The following CYTH1 variants were observed in gnomAD, a reference collection of about 807,000 sequenced individuals.
CYTH1 encodes the protein cytohesin 1.
A neutral mutation model predicts 61.8 loss-of-function variants in CYTH1; 18 were observed. The ratio of observed to expected loss-of-function variants is 0.29; its 90% CI spans 0.20 to 0.43. The LOEUF is 0.43. CYTH1 is among the 20% of genes least tolerant of loss of function. CYTH1 has a pLI of 1.00. For synonymous variants in CYTH1, 174 were observed against 184.3 expected, an observed-to-expected ratio of 0.94 and a Z score of 0.45; for missense variants, 336 against 510.5, an observed-to-expected ratio of 0.66 and a Z score of 3.29.
At chr17:78,702,324 T>C in intron 4 of CYTH1, 84 bp from the exon 5 acceptor site, 1 of 1,186,130 alleles carries the variant, frequency 8.4e-7, no homozygotes, top group Admixed American at 1.9e-5. Flanking sequence ...AAGAAATGGG[T>C]GTGGGTGCAC....
At chr17:78,731,003 A>G (rs1302800174) in intron 1 of CYTH1, among the ~76,000 whole-genome samples, 1 of 152,164 alleles carries the variant, frequency 6.6e-6, no homozygotes, top group African/African-American at 2.4e-5. Context: ...TGTGCTAGGG[A>G]AAGTCCTCAC....
intron 10 of CYTH1, among the ~76,000 whole-genome samples, chr17:78,695,224 T>C (rs1482397226): frequency 6.6e-6 from 1 of 152,068 alleles, no homozygotes; most frequent in Non-Finnish European, 1.5e-5. Flanking sequence ...ACCAAAACCA[T>C]AACCAGGAGA....
chr17:78,740,723 T>C (rs990108456), intron 1 of CYTH1, among the ~76,000 whole-genome samples: 1 of 152,228 alleles, frequency 6.6e-6, no homozygotes, highest in African/African-American at 2.4e-5. Flanking sequence ...TCATCCATAT[T>C]GAGATATTTT....
At chr17:78,745,164 G>A (rs779151504) in intron 1 of CYTH1, among the ~76,000 whole-genome samples, 4 of 152,078 alleles carry the variant, frequency 2.6e-5, no homozygotes, top group Non-Finnish European at 4.4e-5. Flanking sequence ...CCTGTGCACC[G>A]TGGAGCCTGG....
At chr17:78,726,731 A>G (rs1338158623) in intron 1 of CYTH1, among the ~76,000 whole-genome samples, 1 of 152,002 alleles carries the variant, frequency 6.6e-6, no homozygotes, top group African/African-American at 2.4e-5. Context: ...GGTGGATTCT[A>G]TTCTGCTGTT....
intron 1 of CYTH1, among the ~76,000 whole-genome samples, chr17:78,770,404 GTTTT>G (rs1299164671): frequency 6.6e-6 from 1 of 150,550 alleles, no homozygotes; most frequent in Non-Finnish European, 1.5e-5. Flanking sequence ...AAATAGGCGG[GTTTT>G]TTTTGTTTTG....
chr17:78,708,302 G>A, intron 2 of CYTH1, 41 bp from the exon 3 acceptor site: 1 of 1,565,800 alleles, frequency 6.4e-7, no homozygotes, highest in Non-Finnish European at 8.7e-7. Context: ...AAAGGCAGAT[G>A]CAGATCAAAT....
rs759853440 is a variant in CYTH1 at position 78,680,320 on chromosome 17, C to T, written c.988G>A (p.Asp330Asn). ...GCCTTGATAACTTGGTCTTTATTGTCGGGGATATAAAGCTCAAAGCAGTTC... is the reference window on the plus strand; with the variant it reads ...GCCTTGATAACTTGGTCTTTATTGTTGGGGATATAAAGCTCAAAGCAGTTC... Reference protein sequence around the residue: ...KPNCFELYIPDNKDQVIKACK... With the variant: ...KPNCFELYIPNNKDQVIKACK... Residue 330 changes from aspartate (D) to asparagine (N), a missense_variant, in exon 13 of 14, where the codon GAC becomes AAC. Around this residue, in one of 4 missense-constraint regions of CYTH1, gnomAD observed 83 missense variants for 115.6 expected, o/e 0.72. Coordinates refer to ENST00000446868, the MANE Select transcript of CYTH1 (RefSeq NM_004762.6). 2.6e-5 allele frequency: 42 copies of T among 1,613,594 alleles called. No homozygotes were observed. Among genetic ancestry groups the T allele is most frequent in the Admixed American group, 8.3e-5 (5 of 59,950 alleles).
chr17:78,676,534 G>C (rs1373926083), intron 13 of CYTH1: 3 of 286,368 alleles, frequency 1.0e-5, no homozygotes, highest in African/African-American at 6.7e-5. Context: ...CTTTGCAGCA[G>C]CGAGTGCCAC....
chr17:78,724,781 G>A (rs2093256509), intron 1 of CYTH1, among the ~76,000 whole-genome samples: 2 of 152,182 alleles, frequency 1.3e-5, no homozygotes, highest in Admixed American at 6.5e-5. Flanking sequence ...TGCCTCCACT[G>A]CCATGCCATG....
rs9894449 is a variant in CYTH1, at chr17:78,674,729, A to C, written c.*1362T>G. On this transcript the variant is annotated 3_prime_UTR_variant, in exon 14 of 14. Transcript: ENST00000446868. ...TGGAGGGGCGGGGCGAGACGGCCAGACAGCCAGCCACCTGCTCTGCCTGGA... is the reference window on the plus strand; with the variant it reads ...TGGAGGGGCGGGGCGAGACGGCCAGCCAGCCAGCCACCTGCTCTGCCTGGA... The C allele has an allele frequency of 0.21, 32,536 of 152,428 alleles. 3,610 individuals are homozygous for C. Among genetic ancestry groups the C allele is most frequent in the South Asian group, 0.39 (1,870 of 4,828 alleles). 9.4% of individuals were successfully genotyped at this position (152,428 alleles called of 1,614,324 possible).
chr17:78,702,272 C>T, intron 4 of CYTH1, 32 bp from the exon 5 acceptor site: 6 of 1,558,050 alleles, frequency 3.9e-6, no homozygotes, highest in Non-Finnish European at 5.3e-6. Flanking sequence ...GCCAATGATG[C>T]TTTGCTGGGA....
At chr17:78,689,324 A>G (rs1269891023) in intron 11 of CYTH1, among the ~76,000 whole-genome samples, 1 of 152,160 alleles carries the variant, frequency 6.6e-6, no homozygotes. Context: ...CTCTGCTAAC[A>G]TTCATCTGTA....
intron 11 of CYTH1, chr17:78,692,119 T>TCTAG (rs1456766333): frequency 4.8e-5 from 17 of 351,638 alleles, no homozygotes; most frequent in Non-Finnish European, 8.4e-5. Context: ...ATTCATTCTT[T>TCTAG]CTAGCCCAGT....
chr17:78,713,717 T>G (rs936668621), intron 1 of CYTH1, among the ~76,000 whole-genome samples: 1 of 149,022 alleles, frequency 6.7e-6, no homozygotes, highest in African/African-American at 2.5e-5. Context: ...GAAGCAAGAC[T>G]AAATCCAAGG....
At position 78,688,744 on chromosome 17, in the gene CYTH1, G is replaced by A. The variant is rs796368487; in HGVS notation, c.891+3673C>T. On this transcript the variant is annotated intron_variant, in intron 11 of 13. Transcript: ENST00000446868. ...CTCCAAAGGCTTGTCTTTTGATGCA[G>A]GGTGCTTGGTCTCCATGCGGTGAGG... Among the ~76,000 whole-genome samples the A allele has an allele frequency of 9.8e-5, 15 of 152,316 alleles. 1 individual carries two copies. Among genetic ancestry groups the A allele is most frequent in the African/African-American group, 3.6e-4 (15 of 41,566 alleles).
rs1567879257 is a variant in CYTH1, at chr17:78,760,432, CATATATATATGTATATATAT to C, written c.22+21750_22+21769del. Among the ~76,000 whole-genome samples, 11 of 41,134 alleles carry C rather than the reference CATATATATATGTATATATAT, an allele frequency of 2.7e-4. No individual in the cohort carries two copies. In the East Asian group the frequency reaches 3.2e-3, roughly 12 times the overall value. 27.0% of individuals were successfully genotyped at this position (41,134 alleles called of 152,430 possible). ...GTGTATATATATATATATACACATA[CATATATATATGTATATATAT>C]ATACATACATATATATATGTATATA... On this transcript the variant is annotated intron_variant, in intron 1 of 13. Transcript: ENST00000446868.
intron 1 of CYTH1, chr17:78,727,989 CCT>C: frequency 4.0e-6 from 1 of 248,444 alleles, no homozygotes; most frequent in Admixed American, 4.9e-5. Flanking sequence ...GCAGTGAGTC[CCT>C]GATATCATGC....
chr17:78,772,884 C>G (rs1356511858), intron 1 of CYTH1, among the ~76,000 whole-genome samples: 1 of 151,870 alleles, frequency 6.6e-6, no homozygotes, highest in Non-Finnish European at 1.5e-5. Context: ...GGCAGGAGTA[C>G]AGTGGCACGA....
Sources: allele counts gnomAD v4.1 joint callset (sites outside exome capture counted in the v4.1 genomes callset), GRCh38; gene constraint gnomAD v4.1.1; regional missense constraint gnomAD v4.1.1; transcripts MANE v1.5; gene names NCBI Gene and HGNC (gene_info 2026-07-23, HGNC 2026-07-21).